Variants in TRMT9B observed in about 807,000 individuals in gnomAD.
TRMT9B encodes the protein tRNA methyltransferase 9B (putative).
A neutral mutation model predicts 11.5 loss-of-function variants in TRMT9B; 16 were observed. That is an observed-to-expected ratio of 1.39 (90% CI 0.94 to 2.11). The LOEUF is 2.11. Among genes scored for constraint, TRMT9B ranks in the 30% most tolerant of loss-of-function variants. The pLI, the probability that TRMT9B is intolerant of heterozygous loss-of-function variation, is 0.00. For missense variants in TRMT9B, 941 were observed against 553.8 expected (o/e 1.70, Z -7.02); for synonymous variants, 274 against 192.4 (o/e 1.42, Z -3.51).
In TRMT9B at chr8:13,024,475, G is replaced by A. The variant is rs536365708; in HGVS notation, c.*2431G>A. On this transcript the variant is annotated 3_prime_UTR_variant, in exon 5 of 5. Transcript: ENST00000524591. ...ACGGCCTTTGAATTATGAATGGATT[G>A]TTCCTCTCTCTGAAGCCTATTGTCA... 6.0e-6 allele frequency: 1 copy of A among 167,118 alleles called. No homozygotes were observed. The highest frequency in any genetic ancestry group is 2.4e-5 in the African/African-American group (1 of 41,468). 10.4% of individuals were successfully genotyped at this position (167,118 alleles called of 1,614,324 possible). A position where few individuals can be genotyped will look rare whatever the true frequency, so the allele number is the denominator to read the frequency against.
At chr8:12,963,559 G>A (rs975443328) in intron 1 of TRMT9B, among the ~76,000 whole-genome samples, 7 of 152,136 alleles carry the variant, frequency 4.6e-5, no homozygotes, top group African/African-American at 7.2e-5. Context: ...AGGCCAGCCT[G>A]GGCAACATGG....
intron 1 of TRMT9B, among the ~76,000 whole-genome samples, chr8:12,988,470 A>G (rs572795372): frequency 6.6e-6 from 1 of 152,342 alleles, no homozygotes; most frequent in South Asian, 2.1e-4. Flanking sequence ...TGTGTAATTT[A>G]TAAAGGAAAG....
chr8:13,010,473 G>A, intron 3 of TRMT9B: 4 of 985,002 alleles, frequency 4.1e-6, no homozygotes, highest in Non-Finnish European at 4.8e-6. Context: ...GCTGTTTGAT[G>A]AATAGACAAT....
intron 1 of TRMT9B, chr8:12,969,922 C>T (rs377459825): frequency 1.3e-5 from 2 of 151,160 alleles, no homozygotes; most frequent in South Asian, 2.1e-4. Flanking sequence ...GACCTCAAGC[C>T]ATCCTCCCAC....
At chr8:12,953,386 ATC>A (rs1800891957) in intron 1 of TRMT9B, among the ~76,000 whole-genome samples, 1 of 152,102 alleles carries the variant, frequency 6.6e-6, no homozygotes, top group African/African-American at 2.4e-5. Context: ...GCCTCACTCT[ATC>A]GCCTAGGCTG....
intron 4 of TRMT9B, among the ~76,000 whole-genome samples, chr8:13,017,146 C>T (rs904737761): frequency 6.6e-6 from 1 of 151,834 alleles, no homozygotes; most frequent in Admixed American, 6.6e-5. Flanking sequence ...ATTATCTAGC[C>T]CAAAATGTCA....
intron 1 of TRMT9B, among the ~76,000 whole-genome samples, chr8:12,948,422 A>T (rs1800370031): frequency 6.7e-6 from 1 of 148,326 alleles, no homozygotes; most frequent in Non-Finnish European, 1.5e-5. Context: ...TAATATATAT[A>T]ATATATTCTG....
chr8:13,002,781 G>T (rs1205248889), intron 2 of TRMT9B, among the ~76,000 whole-genome samples: 1 of 152,156 alleles, frequency 6.6e-6, no homozygotes, highest in Admixed American at 6.5e-5. Flanking sequence ...TAGTCTCAAA[G>T]TCTCTCTCCA....
chr8:12,986,132 G>C (rs1239805674), intron 1 of TRMT9B, among the ~76,000 whole-genome samples: 2 of 152,126 alleles, frequency 1.3e-5, no homozygotes, highest in Non-Finnish European at 2.9e-5. Context: ...AAAGTGCTGG[G>C]ATTACAGGCA....
intron 2 of TRMT9B, among the ~76,000 whole-genome samples, chr8:12,997,554 A>G (rs752420271): frequency 2.6e-5 from 4 of 152,148 alleles, no homozygotes. Flanking sequence ...ACTGATCCAT[A>G]TTGTTGCATA....
chr8:13,000,291 C>A (rs1176156677), intron 2 of TRMT9B, among the ~76,000 whole-genome samples: 1 of 152,144 alleles, frequency 6.6e-6, no homozygotes, highest in Non-Finnish European at 1.5e-5. Context: ...ATCACATGTC[C>A]AGGGAAGGAA....
rs1563294697 is a variant in TRMT9B, at chr8:12,949,971, A to AT, written c.-200+4005_-200+4006insT. Among the ~76,000 whole-genome samples, 3 of 151,414 alleles carry AT rather than the reference A, an allele frequency of 2.0e-5. No homozygotes were observed. In the East Asian group the frequency reaches 5.8e-4, roughly 29 times the overall value. On this transcript the variant is annotated intron_variant, in intron 1 of 4. Transcript: ENST00000524591. ...GGGCTCAAGTGACCCTCCTGCCTCA[A>AT]CCTCCTGAATGGCTGGGATCATAGG...
At chr8:12,951,974 C>A in intron 1 of TRMT9B, 1 of 155,330 alleles carries the variant, frequency 6.4e-6, no homozygotes, top group South Asian at 1.9e-4. Flanking sequence ...CGCGCTCCCC[C>A]ACGGCCACGC....
rs758132634 is a variant in TRMT9B at position 13,021,267 on chromosome 8, G to A, written c.588G>A (p.Glu196=). 1.2e-6 allele frequency: 2 copies of A among 1,613,988 alleles called. No homozygotes were observed. Among genetic ancestry groups the A allele is most frequent in the Non-Finnish European group, 1.7e-6 (2 of 1,179,866 alleles). The change falls in exon 5 of 5, where the codon GAG becomes GAA. Residue 196 remains glutamate (E), a synonymous_variant. Transcript: ENST00000524591. ...RGHPYHPPCS[E]CSCSVCFKEQ... is the part of the protein sequence containing the mutation. The stretch of plus-strand genomic sequence containing the variant: ...ATCCCTACCATCCTCCTTGCTCTGA[G>A]TGTAGCTGTTCTGTTTGTTTTAAAG...
chr8:12,976,283 G>C (rs779216543), intron 1 of TRMT9B, among the ~76,000 whole-genome samples: 1 of 152,140 alleles, frequency 6.6e-6, no homozygotes, highest in African/African-American at 2.4e-5. Context: ...GCCTTTTAGA[G>C]ACCATTTCAC....
rs1265068840 is a variant in TRMT9B, at chr8:13,021,559, T to A, written c.880T>A (p.Phe294Ile). 9.9e-6 allele frequency: 16 copies of A among 1,613,916 alleles called. No individual in the cohort carries two copies. In the South Asian group the frequency reaches 1.8e-4, roughly 18 times the overall value. ...GCCTTCCAGACACTCTAGTTTAGAC[T>A]TTGATCACCAAGAGCCATTTTCAAC... ...VQPSRHSSLD[F>I]DHQEPFSTKG... Residue 294 changes from phenylalanine (F) to isoleucine (I), a missense_variant, in exon 5 of 5, where the codon TTT (phenylalanine) becomes ATT (isoleucine). Phe to Ile is a conservative substitution (Grantham distance 21). Transcript: ENST00000524591.
chr8:13,002,232 A>G lies in TRMT9B; in HGVS notation c.-1-3970A>G, dbSNP rs577924233. The stretch of plus-strand genomic sequence containing the variant: ...AAATTGAAGTCATTTTTAAATTGCA[A>G]TTTGCAAGGAACCCAGTTTATGTCG... On this transcript the variant is annotated intron_variant, in intron 2 of 4. Transcript: ENST00000524591. 8.5e-4 allele frequency among the ~76,000 whole-genome samples: 129 copies of G among 152,306 alleles called. 1 individual carries two copies. The highest frequency in any genetic ancestry group is 2.7e-3 in the African/African-American group (111 of 41,556).
intron 1 of TRMT9B, among the ~76,000 whole-genome samples, chr8:12,974,077 G>A (rs751013607): frequency 1.1e-4 from 16 of 152,040 alleles, no homozygotes; most frequent in Non-Finnish European, 1.6e-4. Context: ...AGGCTGAGGC[G>A]GGAGGATGGC....
intron 4 of TRMT9B, among the ~76,000 whole-genome samples, chr8:13,019,928 C>T (rs1437874706): frequency 6.6e-6 from 1 of 152,126 alleles, no homozygotes; most frequent in African/African-American, 2.4e-5. Context: ...GTAGAGATAC[C>T]AAGGTTTGTG....
Sources: gnomAD v4.1 joint callset for allele counts (sites outside exome capture counted in the v4.1 genomes callset) on GRCh38, gnomAD v4.1.1 for gene constraint, MANE v1.5 for transcripts, NCBI Gene and HGNC (gene_info 2026-07-23, HGNC 2026-07-21) for gene names.